Variants in LRP1B observed in about 807,000 individuals in gnomAD.
LRP1B encodes the protein LDL receptor related protein 1B, also known as low-density lipoprotein receptor-related protein 1B.
In LRP1B, 217 loss-of-function variants were observed where a neutral mutation model predicts 556.6. That is an observed-to-expected ratio of 0.39 (90% CI 0.35 to 0.44). LRP1B has a LOEUF of 0.44. Ranked by LOEUF, LRP1B falls within the 20% of genes least tolerant of loss-of-function variation. The pLI is 1.00. For synonymous variants in LRP1B, 2,047 were observed against 1,865.8 expected (o/e 1.10, Z -2.50); for missense variants, 5,053 against 5,620.8 (o/e 0.90, Z 3.23).
chr2:140,494,606 CAAAA>C (rs77006034), intron 56 of LRP1B, among the ~76,000 whole-genome samples: 22 of 64,164 alleles, frequency 3.4e-4, no homozygotes, highest in African/African-American at 1.3e-3. Flanking sequence ...GACTCCGTCT[CAAAA>C]AAAAAAAAAA....
intron 18 of LRP1B, among the ~76,000 whole-genome samples, chr2:140,966,163 T>C (rs113358978): frequency 0.012 from 1,864 of 152,308 alleles, 30 homozygotes; most frequent in African/African-American, 0.042. Context: ...TAGTTTACAG[T>C]CCCACCAACA....
intron 3 of LRP1B, among the ~76,000 whole-genome samples, chr2:141,316,738 C>T (rs1045411198): frequency 6.6e-5 from 10 of 152,190 alleles, no homozygotes; most frequent in East Asian, 5.8e-4. Context: ...CACGCTGACT[C>T]GCATTAAGTT....
chr2:141,801,176 A>G (rs1695993811), intron 2 of LRP1B, among the ~76,000 whole-genome samples: 1 of 152,192 alleles, frequency 6.6e-6, no homozygotes, highest in Admixed American at 6.6e-5. Context: ...ATAGTATATT[A>G]ATTATATGCA....
Position 141,130,171 on chromosome 2 carries a change from G to T in LRP1B, c.1013+58250C>A, listed in dbSNP as rs564686928. The stretch of plus-strand genomic sequence containing the variant: ...TTTAAAAATAAATCTTCAGGGAAAA[G>T]AAAAATTACAATAAACATAGCCAAA... On this transcript the variant is annotated intron_variant, in intron 7 of 90. Coordinates refer to ENST00000389484, the MANE Select transcript of LRP1B (RefSeq NM_018557.3). Among the ~76,000 whole-genome samples, 7 of 150,220 alleles carry T rather than the reference G, an allele frequency of 4.7e-5. No homozygotes were observed. The South Asian group carries it at 1.0e-3, about 22-fold the overall frequency.
chr2:141,855,600 C>T (rs558650846), intron 1 of LRP1B, among the ~76,000 whole-genome samples: 1 of 152,110 alleles, frequency 6.6e-6, no homozygotes, highest in Non-Finnish European at 1.5e-5. Flanking sequence ...AGCAACATTC[C>T]AATAATAAGC....
intron 47 of LRP1B, among the ~76,000 whole-genome samples, chr2:140,533,811 G>A (rs12692059): frequency 0.5 from 75,249 of 151,868 alleles, 18,984 homozygotes; most frequent in East Asian, 0.61. Flanking sequence ...AGAGTTTTAA[G>A]GGGAGGAAAG....
intron 4 of LRP1B, among the ~76,000 whole-genome samples, chr2:141,249,296 G>A (rs1379020753): frequency 6.6e-6 from 1 of 152,154 alleles, no homozygotes; most frequent in Non-Finnish European, 1.5e-5. Flanking sequence ...GGAAAGGGCA[G>A]TCAAGAAAGA....
chr2:142,015,859 G>T, intron 1 of LRP1B, among the ~76,000 whole-genome samples: 1 of 151,936 alleles, frequency 6.6e-6, no homozygotes, highest in Non-Finnish European at 1.5e-5. Flanking sequence ...GGGCGTGGTG[G>T]CGGGCGCCTG....
At chr2:140,422,475 C>T (rs1285023818) in intron 66 of LRP1B, among the ~76,000 whole-genome samples, 4 of 152,006 alleles carry the variant, frequency 2.6e-5, no homozygotes, top group Admixed American at 2.6e-4. Context: ...ACAACCAAAG[C>T]ATATAACTTG....
At chr2:141,449,622 GA>G (rs59039988) in intron 3 of LRP1B, among the ~76,000 whole-genome samples, 150,040 of 152,220 alleles carry the variant, frequency 0.99, 73,973 homozygotes, top group East Asian at 1. Flanking sequence ...ATATGTGCAA[GA>G]AAAAAACCAC....
intron 1 of LRP1B, among the ~76,000 whole-genome samples, chr2:141,963,464 A>G (rs1231728439): frequency 2.6e-5 from 4 of 151,920 alleles, no homozygotes; most frequent in Non-Finnish European, 5.9e-5. Flanking sequence ...AATGTAATCC[A>G]GCATATAAAC....
At chr2:140,922,313 C>A (rs1694761186) in intron 21 of LRP1B, among the ~76,000 whole-genome samples, 1 of 151,710 alleles carries the variant, frequency 6.6e-6, no homozygotes, top group Non-Finnish European at 1.5e-5. Flanking sequence ...CACGCACACA[C>A]ACGCACACAC....
chr2:141,384,010 C>T (rs1160399350), intron 3 of LRP1B, among the ~76,000 whole-genome samples: 2 of 152,150 alleles, frequency 1.3e-5, no homozygotes, highest in South Asian at 2.1e-4. Context: ...TCTTACCACA[C>T]TCACACACAA....
chr2:140,371,864 G>A (rs1469549960), intron 69 of LRP1B, among the ~76,000 whole-genome samples: 1 of 151,958 alleles, frequency 6.6e-6, no homozygotes, highest in Non-Finnish European at 1.5e-5. Flanking sequence ...GAATACATGT[G>A]TAATTAACAG....
At chr2:140,351,162 C>T (rs975953311) in intron 76 of LRP1B, 124 bp from the exon 77 acceptor site, 2 of 638,996 alleles carry the variant, frequency 3.1e-6, no homozygotes, top group African/African-American at 1.9e-5. Context: ...AAAAATCAAC[C>T]AGTTTTATAT....
At chr2:140,691,958 A>G (rs1193511941) in intron 41 of LRP1B, among the ~76,000 whole-genome samples, 1 of 152,148 alleles carries the variant, frequency 6.6e-6, no homozygotes, top group African/African-American at 2.4e-5. Flanking sequence ...TTGAAAGTAT[A>G]TAGTTCTCTC....
chr2:141,992,827 C>G (rs1005620652), intron 1 of LRP1B, among the ~76,000 whole-genome samples: 1 of 152,030 alleles, frequency 6.6e-6, no homozygotes, highest in Non-Finnish European at 1.5e-5. Flanking sequence ...GCTCAGGGCT[C>G]CATAGATCTC....
intron 2 of LRP1B, among the ~76,000 whole-genome samples, chr2:141,567,038 A>G (rs910581534): frequency 6.6e-6 from 1 of 152,212 alleles, no homozygotes; most frequent in Non-Finnish European, 1.5e-5. Flanking sequence ...AGATCATGAA[A>G]AAAGATTAGA....
intron 3 of LRP1B, among the ~76,000 whole-genome samples, chr2:141,287,300 T>C (rs754281502): frequency 4.0e-5 from 6 of 151,704 alleles, no homozygotes; most frequent in Non-Finnish European, 8.8e-5. Context: ...GCATTAATTT[T>C]TGACTATTTT....
Sources: gnomAD v4.1 joint callset for allele counts (sites outside exome capture counted in the v4.1 genomes callset) on GRCh38, gnomAD v4.1.1 for gene constraint, MANE v1.5 for transcripts, NCBI Gene and HGNC (gene_info 2026-07-23, HGNC 2026-07-21) for gene names.